Variants in IMMP2L observed in about 807,000 individuals in gnomAD.
IMMP2L encodes inner mitochondrial membrane peptidase subunit 2.
Under a neutral mutation model 19.3 loss-of-function variants are expected in IMMP2L, and 18 were observed. That is an observed-to-expected ratio of 0.93 (90% CI 0.64 to 1.38). The LOEUF is 1.38. Ranked by LOEUF, IMMP2L falls within the 40% of genes most tolerant of loss-of-function variation. The pLI is 0.00. For synonymous variants in IMMP2L, 76 were observed against 73.0 expected (o/e 1.04, Z -0.21); for missense variants, 233 against 218.2 (o/e 1.07, Z -0.43).
intron 5 of IMMP2L, among the ~76,000 whole-genome samples, chr7:110,844,516 T>A (rs897291916): frequency 9.2e-5 from 14 of 151,986 alleles, no homozygotes; most frequent in Non-Finnish European, 1.9e-4. Context: ...GGTAAGCTTG[T>A]AACAAACGGA....
At chr7:111,549,927 C>A (rs10953689) in intron 1 of IMMP2L, among the ~76,000 whole-genome samples, 118,182 of 147,424 alleles carry the variant, frequency 0.8, 48,885 homozygotes, top group East Asian at 0.97. Flanking sequence ...GATGACAGAG[C>A]GAGACTCCGT....
chr7:110,829,822 G>A (rs1803805918), intron 5 of IMMP2L, among the ~76,000 whole-genome samples: 1 of 152,146 alleles, frequency 6.6e-6, no homozygotes, highest in Non-Finnish European at 1.5e-5. Flanking sequence ...GGAGGTTGTA[G>A]AGGGCAGAAG....
rs1801373816 is a variant in IMMP2L at position 110,803,102 on chromosome 7, G to C, written c.408+83491C>G. ...AATGCCTATTGAAATAGATGAGTTT[G>C]TGTCTTAGCCTTGAAGGATGTATAG... On this transcript the variant is annotated intron_variant, in intron 5 of 5. Coordinates refer to ENST00000405709, the MANE Select transcript of IMMP2L (RefSeq NM_032549.4). The surrounding 1 kb of genome is among the most constrained non-coding windows in gnomAD (Gnocchi z 4.2). 6.6e-6 allele frequency among the ~76,000 whole-genome samples: 1 copy of C among 152,106 alleles called. No individual in the cohort carries two copies. Among genetic ancestry groups the C allele is most frequent in the Non-Finnish European group, 1.5e-5 (1 of 68,014 alleles).
intron 3 of IMMP2L, among the ~76,000 whole-genome samples, chr7:111,226,005 G>C (rs921421172): frequency 4.6e-5 from 7 of 151,976 alleles, no homozygotes; most frequent in African/African-American, 7.2e-5. Flanking sequence ...ATTTAATTTG[G>C]GTTTGAACAG....
chr7:111,155,685 T>TAC (rs986612364), intron 3 of IMMP2L, among the ~76,000 whole-genome samples: 3 of 151,518 alleles, frequency 2.0e-5, no homozygotes, highest in African/African-American at 4.8e-5. Context: ...TATATATATA[T>TAC]ACACACACAC....
intron 5 of IMMP2L, among the ~76,000 whole-genome samples, chr7:110,856,331 G>A: frequency 6.6e-6 from 1 of 151,926 alleles, no homozygotes; most frequent in East Asian, 1.9e-4. Context: ...GGCATATATG[G>A]ATTACCACAC....
At chr7:110,671,787 C>A (rs537784283) in intron 5 of IMMP2L, among the ~76,000 whole-genome samples, 1 of 152,082 alleles carries the variant, frequency 6.6e-6, no homozygotes, top group South Asian at 2.1e-4. Flanking sequence ...AAGATAAGGA[C>A]AAGCAAATGC....
chr7:111,172,947 A>C (rs1482108949), intron 3 of IMMP2L, among the ~76,000 whole-genome samples: 3 of 151,676 alleles, frequency 2.0e-5, no homozygotes, highest in Non-Finnish European at 4.4e-5. Flanking sequence ...TATGTAATAG[A>C]ACTACTATTT....
intron 3 of IMMP2L, among the ~76,000 whole-genome samples, chr7:111,400,137 G>T (rs1345734565): frequency 6.6e-6 from 1 of 151,972 alleles, no homozygotes; most frequent in African/African-American, 2.4e-5. Flanking sequence ...TTACTAGTCA[G>T]TCCCCCAACT....
At position 111,554,817 on chromosome 7, in the gene IMMP2L, T is replaced by C. The variant is rs376505880; in HGVS notation, c.-3+7034A>G. Among the ~76,000 whole-genome samples, 85 of 152,208 alleles carry C rather than the reference T, an allele frequency of 5.6e-4. 2 individuals carry two copies. Among genetic ancestry groups the C allele is most frequent in the African/African-American group, 1.9e-3 (79 of 41,550 alleles). ...TTAGTAGAGACGGGGTTTTGCCATA[T>C]TGGCCAGGCTAGTCTCGAACTCCTG... On this transcript the variant is annotated intron_variant, in intron 1 of 5. Coordinates refer to ENST00000405709, the MANE Select transcript of IMMP2L (RefSeq NM_032549.4).
chr7:111,015,297 C>T (rs1825385324), intron 3 of IMMP2L, among the ~76,000 whole-genome samples: 1 of 152,042 alleles, frequency 6.6e-6, no homozygotes, highest in Non-Finnish European at 1.5e-5. Flanking sequence ...TGAAATAAGT[C>T]AGTCACAAGA....
intron 5 of IMMP2L, among the ~76,000 whole-genome samples, chr7:110,871,122 G>A (rs900892032): frequency 2.6e-5 from 4 of 152,088 alleles, no homozygotes; most frequent in African/African-American, 4.8e-5. Context: ...CTAACTTTTT[G>A]TCTTGAGTAA....
intron 5 of IMMP2L, among the ~76,000 whole-genome samples, chr7:110,696,511 C>T (rs981235495): frequency 6.8e-6 from 1 of 146,136 alleles, no homozygotes; most frequent in African/African-American, 2.5e-5. Flanking sequence ...ACCGCAATCT[C>T]GGCCTCCCAG....
chr7:111,445,856 T>A (rs1249614478), intron 3 of IMMP2L, among the ~76,000 whole-genome samples: 1 of 149,712 alleles, frequency 6.7e-6, no homozygotes, highest in East Asian at 1.9e-4. Context: ...GCGCGCACCG[T>A]GCGTGAGCCG....
chr7:110,771,993 C>T (rs781071025), intron 5 of IMMP2L, among the ~76,000 whole-genome samples: 6 of 152,232 alleles, frequency 3.9e-5, no homozygotes, highest in Admixed American at 3.3e-4. Flanking sequence ...CTTTTGATAT[C>T]GCATCCTGGG....
chr7:111,280,242 T>G (rs1819540734), intron 3 of IMMP2L, among the ~76,000 whole-genome samples: 1 of 152,142 alleles, frequency 6.6e-6, no homozygotes, highest in African/African-American at 2.4e-5. Context: ...TCTTCCCTAT[T>G]CCCGGGACGT....
rs545507938 is a variant in IMMP2L at position 110,872,567 on chromosome 7, C to T, written c.408+14026G>A. Reference sequence around the variant, plus strand: ...TGGAGCTGCCATAATTTTTCTATAACGCTGCCCCTAGGCCAGAATTGGTTG... The same window carrying T: ...TGGAGCTGCCATAATTTTTCTATAATGCTGCCCCTAGGCCAGAATTGGTTG... On this transcript the variant is annotated intron_variant, in intron 5 of 5. Coordinates refer to ENST00000405709, the MANE Select transcript of IMMP2L (RefSeq NM_032549.4). 3.9e-5 allele frequency among the ~76,000 whole-genome samples: 6 copies of T among 152,270 alleles called. No homozygotes were observed. In the South Asian group the frequency reaches 6.2e-4, roughly 16 times the overall value.
intron 3 of IMMP2L, among the ~76,000 whole-genome samples, chr7:111,175,247 A>G (rs1489632763): frequency 6.6e-6 from 1 of 151,858 alleles, no homozygotes; most frequent in Non-Finnish European, 1.5e-5. Flanking sequence ...AATAACAGGC[A>G]GCGTTTTCCC....
chr7:111,456,130 C>CA (rs1839653426), intron 3 of IMMP2L, among the ~76,000 whole-genome samples: 2 of 151,858 alleles, frequency 1.3e-5, no homozygotes, highest in African/African-American at 4.8e-5. Flanking sequence ...AACTGATAGT[C>CA]AAAATCTCAA....
Sources: allele counts gnomAD v4.1 joint callset (sites outside exome capture counted in the v4.1 genomes callset), GRCh38; gene constraint gnomAD v4.1.1; non-coding constraint Gnocchi (gnomAD v3.1); transcripts MANE v1.5; gene names NCBI Gene and HGNC (gene_info 2026-07-23, HGNC 2026-07-21).